KCNT2: variants seen among roughly 807,000 people sequenced by gnomAD.
KCNT2 encodes potassium channel subfamily T member 2.
A neutral mutation model predicts 153.8 loss-of-function variants in KCNT2; 67 were observed. The observed-to-expected ratio is 0.44, with a 90% CI of 0.36 to 0.53. KCNT2 has a LOEUF of 0.53. Among genes scored for constraint, KCNT2 ranks in the 20% least tolerant of loss-of-function variants. The pLI, the probability that KCNT2 is intolerant of heterozygous loss-of-function variation, is 0.00. For synonymous variants in KCNT2, 500 were observed against 458.8 expected (o/e 1.09, Z -1.15); for missense variants, 975 against 1,354.8 (o/e 0.72, Z 4.40).
At chr1:196,459,212 A>G (rs1462186069) in intron 8 of KCNT2, among the ~76,000 whole-genome samples, 1 of 151,696 alleles carries the variant, frequency 6.6e-6, no homozygotes, top group Non-Finnish European at 1.5e-5. Flanking sequence ...ACATTAGTAA[A>G]TCATGTCATT....
At chr1:196,268,275 T>C (rs1657733713) in intron 25 of KCNT2, among the ~76,000 whole-genome samples, 1 of 152,088 alleles carries the variant, frequency 6.6e-6, no homozygotes, top group African/African-American at 2.4e-5. Flanking sequence ...AAAATAATAA[T>C]CAAGGTCACA....
chr1:196,423,161 A>C (rs376594071), intron 11 of KCNT2, 48 bp from the exon 12 acceptor site: 32 of 1,249,140 alleles, frequency 2.6e-5, no homozygotes, highest in Non-Finnish European at 1.8e-5. Flanking sequence ...AAATATCTAC[A>C]GGTTTTCTGA....
chr1:196,407,824 C>T (rs767737821), intron 12 of KCNT2, among the ~76,000 whole-genome samples: 7 of 150,178 alleles, frequency 4.7e-5, no homozygotes, highest in South Asian at 2.1e-4. Flanking sequence ...GGAAAGTCAG[C>T]AGCATGAGCC....
At chr1:196,364,517 A>G (rs1667882978) in intron 14 of KCNT2, among the ~76,000 whole-genome samples, 1 of 152,172 alleles carries the variant, frequency 6.6e-6, no homozygotes. Context: ...CAGATTTTGC[A>G]AAATTATTCA....
Position 196,298,978 on chromosome 1 carries a change from CAT to C in KCNT2, c.2595+6254_2595+6255del, listed in dbSNP as rs755141631. 2.0e-5 allele frequency among the ~76,000 whole-genome samples: 3 copies of C among 151,824 alleles called. No homozygotes were observed. The East Asian group carries it at 5.8e-4, about 29-fold the overall frequency. ...CTTCTTACATCAGGTGTAATTATCA[CAT>C]GATTGTATATTGTGATTATGACCAT... On this transcript the variant is annotated intron_variant, in intron 22 of 27. Coordinates refer to ENST00000294725, the MANE Select transcript of KCNT2 (RefSeq NM_198503.5).
intron 2 of KCNT2, 103 bp downstream of exon 2, chr1:196,492,158 AT>A: frequency 8.6e-7 from 1 of 1,157,106 alleles, no homozygotes; most frequent in South Asian, 1.8e-5. Context: ...AAAATAACCA[AT>A]TTTATTCCTC....
chr1:196,539,620 T>C (rs1002136682), intron 1 of KCNT2, among the ~76,000 whole-genome samples: 1 of 152,094 alleles, frequency 6.6e-6, no homozygotes, highest in African/African-American at 2.4e-5. Flanking sequence ...TCTAAAAAAG[T>C]GGCATTTCCC....
chr1:196,344,906 C>A (rs1178650118), intron 14 of KCNT2, among the ~76,000 whole-genome samples: 1 of 151,902 alleles, frequency 6.6e-6, no homozygotes, highest in African/African-American at 2.4e-5. Context: ...TTCAAAACCT[C>A]TAATAGTTAA....
intron 8 of KCNT2, among the ~76,000 whole-genome samples, chr1:196,437,965 A>C (rs983311146): frequency 9.2e-5 from 14 of 151,482 alleles, no homozygotes; most frequent in Middle Eastern, 3.2e-3. Context: ...TATTACTAAT[A>C]ATATCATAAA....
Position 196,468,983 on chromosome 1 carries a change from T to C in KCNT2, c.459+11A>G. On this transcript the variant is annotated intron_variant, in intron 6 of 27. Coordinates refer to ENST00000294725, the MANE Select transcript of KCNT2 (RefSeq NM_198503.5). Reference sequence around the variant, plus strand: ...ACAAAAGTGTTTTTTTAAGGTTCTTTTAGGACTTACTGAGATAATGAAGGG... The same window carrying C: ...ACAAAAGTGTTTTTTTAAGGTTCTTCTAGGACTTACTGAGATAATGAAGGG... 1 of 1,554,210 alleles carries C rather than the reference T, an allele frequency of 6.4e-7. No homozygotes were observed. The highest frequency in any genetic ancestry group is 8.8e-7 in the Non-Finnish European group (1 of 1,130,670).
chr1:196,572,869 A>G (rs898637501), intron 1 of KCNT2, among the ~76,000 whole-genome samples: 8 of 152,100 alleles, frequency 5.3e-5, no homozygotes, highest in Non-Finnish European at 1.5e-5. Context: ...TTGATGCATG[A>G]TGACACTTAC....
At chr1:196,234,249 C>A (rs1654211206) in intron 27 of KCNT2, among the ~76,000 whole-genome samples, 1 of 151,116 alleles carries the variant, frequency 6.6e-6, no homozygotes, top group African/African-American at 2.4e-5. Flanking sequence ...TATACCTGGA[C>A]CCACATATCA....
intron 26 of KCNT2, among the ~76,000 whole-genome samples, chr1:196,255,072 T>C (rs1656343708): frequency 6.6e-6 from 1 of 151,616 alleles, no homozygotes; most frequent in African/African-American, 2.4e-5. Context: ...AGAAATACCA[T>C]TTTATGGGCT....
intron 16 of KCNT2, among the ~76,000 whole-genome samples, chr1:196,336,615 T>C (rs780766700): frequency 2.0e-5 from 3 of 152,176 alleles, no homozygotes; most frequent in Non-Finnish European, 2.9e-5. Flanking sequence ...CTGTTTCTAA[T>C]TTATCTTCTA....
At chr1:196,390,700 A>T (rs1008705225) in intron 13 of KCNT2, among the ~76,000 whole-genome samples, 1 of 137,336 alleles carries the variant, frequency 7.3e-6, no homozygotes, top group African/African-American at 2.5e-5. Context: ...TCTCCAAAAA[A>T]ATCTTAGTAA....
chr1:196,547,800 A>C (rs927354601), intron 1 of KCNT2, among the ~76,000 whole-genome samples: 7 of 151,798 alleles, frequency 4.6e-5, no homozygotes, highest in African/African-American at 1.7e-4. Context: ...ATTTGAAAAA[A>C]AGCAATACAT....
intron 25 of KCNT2, among the ~76,000 whole-genome samples, chr1:196,271,881 T>C (rs1658094167): frequency 6.6e-6 from 1 of 151,936 alleles, no homozygotes; most frequent in Non-Finnish European, 1.5e-5. Flanking sequence ...ACATGAACAT[T>C]CTCTGAGGTG....
In KCNT2 at chr1:196,249,324, A is replaced by G. The variant is rs1052153533; in HGVS notation, c.3211+8870T>C. On this transcript the variant is annotated intron_variant, in intron 26 of 27. Transcript: ENST00000294725. Reference sequence around the variant, plus strand: ...TAGAATAGACAGGCAAGAGAGAGAAAGAAAGAAAGGTCATTCAAATTGGAA... The same window carrying G: ...TAGAATAGACAGGCAAGAGAGAGAAGGAAAGAAAGGTCATTCAAATTGGAA... Among the ~76,000 whole-genome samples, 3 of 152,192 alleles carry G rather than the reference A, an allele frequency of 2.0e-5. No individual in the cohort carries two copies. The South Asian group carries it at 6.2e-4, about 32-fold the overall frequency.
At chr1:196,403,240 G>A (rs1671564209) in intron 12 of KCNT2, among the ~76,000 whole-genome samples, 1 of 151,602 alleles carries the variant, frequency 6.6e-6, no homozygotes, top group Non-Finnish European at 1.5e-5. Context: ...GCAAAGAAAT[G>A]CACTATCAAT....
Sources: gnomAD v4.1 joint callset for allele counts (sites outside exome capture counted in the v4.1 genomes callset) on GRCh38, gnomAD v4.1.1 for gene constraint, MANE v1.5 for transcripts, NCBI Gene and HGNC (gene_info 2026-07-23, HGNC 2026-07-21) for gene names.